Variants in MME observed in about 807,000 individuals in gnomAD.
MME encodes membrane metalloendopeptidase, also known as neprilysin.
In MME, 98 loss-of-function variants were observed where a neutral mutation model predicts 113.2. The ratio of observed to expected loss-of-function variants is 0.87; its 90% confidence interval spans 0.74 to 1.02. The LOEUF (loss-of-function observed/expected upper bound fraction) is 1.02. Ranked by LOEUF, MME falls within the 50% of genes least tolerant of loss-of-function variation. The probability of loss-of-function intolerance (pLI) is 0.00; values close to 1 mark genes in which losing one functional copy is unlikely to be tolerated. For missense variants in MME, 836 were observed against 896.0 expected (o/e 0.93, Z 0.86); for synonymous variants, 292 against 300.6 (o/e 0.97, Z 0.30).
At position 155,148,343 on chromosome 3, in the gene MME, A is replaced by G. The variant is rs61758205; in HGVS notation, c.1498-207A>G. 7.2e-4 allele frequency among the ~76,000 whole-genome samples: 110 copies of G among 152,266 alleles called. No individual in the cohort carries two copies. In the East Asian group the frequency reaches 0.02, roughly 28 times the overall value. ...TCATTTGATTATTATAAAATAATACACTGAATTTGTGATTTGGCTGGAATA... is the reference window on the plus strand; with the variant it reads ...TCATTTGATTATTATAAAATAATACGCTGAATTTGTGATTTGGCTGGAATA... On this transcript the variant is annotated intron_variant, in intron 15 of 22. Coordinates refer to ENST00000360490, the MANE Select transcript of MME (RefSeq NM_007289.4).
intron 3 of MME, among the ~76,000 whole-genome samples, chr3:155,114,359 C>G (rs1718427803): frequency 6.6e-6 from 1 of 152,136 alleles, no homozygotes; most frequent in African/African-American, 2.4e-5. Context: ...GCATTTTCAT[C>G]ATAGTCCTGA....
At chr3:155,168,959 C>T in intron 20 of MME, 162 bp downstream of exon 20, 1 of 633,728 alleles carries the variant, frequency 1.6e-6, no homozygotes, top group South Asian at 1.9e-5. Context: ...AATATGCTAA[C>T]CATAAGGGTC....
intron 19 of MME, 51 bp downstream of exon 19, chr3:155,168,676 T>C: frequency 1.9e-6 from 3 of 1,612,754 alleles, no homozygotes; most frequent in Non-Finnish European, 1.7e-6. Context: ...CAATCTTAAG[T>C]GTATTATTGG....
At chr3:155,062,756 T>C (rs1420641475) in intron 1 of MME, among the ~76,000 whole-genome samples, 1 of 151,744 alleles carries the variant, frequency 6.6e-6, no homozygotes, top group African/African-American at 2.4e-5. Flanking sequence ...AATGGAAACT[T>C]TAAAAAGGAA....
chr3:155,102,436 T>C, intron 3 of MME, among the ~76,000 whole-genome samples: 1 of 152,188 alleles, frequency 6.6e-6, no homozygotes, highest in Non-Finnish European at 1.5e-5. Context: ...ATCATACCGA[T>C]CTGATAACTC....
intron 16 of MME, among the ~76,000 whole-genome samples, chr3:155,154,800 A>G (rs749493240): frequency 6.6e-6 from 1 of 152,174 alleles, no homozygotes; most frequent in Non-Finnish European, 1.5e-5. Flanking sequence ...GAAAGTTGAT[A>G]GTCTCTCGAG....
At chr3:155,035,772 G>A (rs745806822) in intron 1 of MME, among the ~76,000 whole-genome samples, 13 of 152,098 alleles carry the variant, frequency 8.5e-5, no homozygotes, top group Admixed American at 2.0e-4. Context: ...AGGCTGCACC[G>A]GGGAGCAGAT....
upstream of MME, among the ~76,000 whole-genome samples, chr3:155,076,311 G>T (rs2108148429): frequency 6.6e-6 from 1 of 152,280 alleles, no homozygotes; most frequent in East Asian, 1.9e-4. Flanking sequence ...AGTCGGAGTT[G>T]GGGCTGAGTT....
At chr3:155,179,593 G>T (rs1202782197) in intron 22 of MME, among the ~76,000 whole-genome samples, 1 of 152,164 alleles carries the variant, frequency 6.6e-6, no homozygotes, top group Non-Finnish European at 1.5e-5. Context: ...AACGTGGTAG[G>T]CTGGCCTTAG....
At chr3:155,107,072 G>C (rs1054345051) in intron 3 of MME, among the ~76,000 whole-genome samples, 10 of 152,170 alleles carry the variant, frequency 6.6e-5, no homozygotes, top group African/African-American at 2.4e-4. Context: ...AGTCAATGGA[G>C]GGACCGGGCG....
chr3:155,177,221 T>A (rs1712629996), intron 22 of MME, among the ~76,000 whole-genome samples: 1 of 152,058 alleles, frequency 6.6e-6, no homozygotes. Flanking sequence ...TTGGAAAAAA[T>A]TAATAAAATA....
At chr3:155,137,520 C>T (rs1720727633) in intron 8 of MME, among the ~76,000 whole-genome samples, 1 of 152,020 alleles carries the variant, frequency 6.6e-6, no homozygotes, top group African/African-American at 2.4e-5. Context: ...GCCTGGCCAA[C>T]ATAGTGAAAT....
Position 155,118,813 on chromosome 3 carries a change from TA to T in MME, c.720+7del. The stretch of plus-strand genomic sequence containing the variant: ...GAATGCACTGGAATCTATAAAGAGG[TA>T]AAAAGAAAAAAAATAATCAAAACCA... On this transcript the variant is annotated splice_donor_region_variant and intron_variant, in intron 8 of 22. Transcript: ENST00000360490. The T allele has an allele frequency of 6.3e-7, 1 of 1,576,210 alleles. No homozygotes were observed. Among genetic ancestry groups the T allele is most frequent in the Non-Finnish European group, 8.7e-7 (1 of 1,149,984 alleles).
At position 155,168,719 on chromosome 3, in the gene MME, T is replaced by A; in HGVS notation, c.1915-13T>A. On this transcript the variant is annotated splice_polypyrimidine_tract_variant and intron_variant, in intron 19 of 22. Transcript: ENST00000360490. ...TTTTTTTAACAATCCTAATAAAGTG[T>A]CTTTTTTAACAGCTTAATGGAATTA... The A allele has an allele frequency of 6.2e-7, 1 of 1,612,712 alleles. No homozygotes were observed. The highest frequency in any genetic ancestry group is 8.5e-7 in the Non-Finnish European group (1 of 1,178,870).
intron 1 of MME, among the ~76,000 whole-genome samples, chr3:155,065,386 C>G (rs945948573): frequency 1.3e-5 from 2 of 152,080 alleles, no homozygotes; most frequent in African/African-American, 4.8e-5. Context: ...TATGTGTGTA[C>G]TTAGAAAATA....
At chr3:155,144,237 C>G in intron 13 of MME, 122 bp from the exon 14 acceptor site, 1 of 725,888 alleles carries the variant, frequency 1.4e-6, no homozygotes, top group South Asian at 1.5e-5. Context: ...CACAGTTTGT[C>G]TATAAATTTA....
At chr3:155,107,374 A>C (rs1717777598) in intron 3 of MME, among the ~76,000 whole-genome samples, 2 of 151,796 alleles carry the variant, frequency 1.3e-5, no homozygotes, top group African/African-American at 2.4e-5. Context: ...AAAAAAAGGA[A>C]TAGTCAACGG....
At chr3:155,041,180 G>A (rs1713305847) in intron 1 of MME, among the ~76,000 whole-genome samples, 1 of 151,886 alleles carries the variant, frequency 6.6e-6, no homozygotes, top group African/African-American at 2.4e-5. Context: ...CATTCTCTTT[G>A]TCTCTATAAT....
intron 22 of MME, among the ~76,000 whole-genome samples, chr3:155,177,148 G>A (rs1023933135): frequency 3.9e-5 from 6 of 152,098 alleles, no homozygotes; most frequent in Admixed American, 6.5e-5. Context: ...GAATTAAGTC[G>A]TGGGTTTGGA....
Sources: gnomAD v4.1 joint callset for allele counts (sites outside exome capture counted in the v4.1 genomes callset) on GRCh38, gnomAD v4.1.1 for gene constraint, MANE v1.5 for transcripts, NCBI Gene and HGNC (gene_info 2026-07-23, HGNC 2026-07-21) for gene names.